The following C11orf21 variants were observed in gnomAD, a reference collection of about 807,000 sequenced individuals.
The protein encoded by C11orf21 is chromosome 11 open reading frame 21, also known as uncharacterized protein C11orf21.
A neutral mutation model predicts 15.2 loss-of-function variants in C11orf21; 19 were observed. That is an observed-to-expected ratio of 1.25 (90% confidence interval 0.87 to 1.84). The LOEUF (loss-of-function observed/expected upper bound fraction) is 1.84, where lower values mean the gene tolerates loss of function less well. Among genes scored for constraint, C11orf21 ranks in the 40% most tolerant of loss-of-function variants. The pLI is 0.00. For missense variants in C11orf21, 171 were observed against 174.4 expected, an observed-to-expected ratio of 0.98 and a Z score of 0.11; for synonymous variants, 62 against 66.8, an observed-to-expected ratio of 0.93 and a Z score of 0.35.
chr11:2,299,333 G>T, intron 3 of C11orf21, 95 bp downstream of exon 3: 1 of 1,324,734 alleles, frequency 7.5e-7, no homozygotes, highest in Non-Finnish European at 1.0e-6. Flanking sequence ...TGTGACGCAG[G>T]TGGGAAGCTC....
upstream of C11orf21, chr11:2,302,323 C>T (rs1005100423): frequency 3.4e-6 from 4 of 1,190,016 alleles, no homozygotes; most frequent in Non-Finnish European, 4.4e-6. Context: ...ACACACCAGC[C>T]CTACTGTCCC....
At position 2,301,868 on chromosome 11, in the gene C11orf21, C is replaced by T. The variant is rs983250445; in HGVS notation, c.-60G>A. On this transcript the variant is annotated 5_prime_UTR_variant, in exon 1 of 4. Transcript: ENST00000381153. ...ACACCAAGAACGAGGCCATGTCTTC[C>T]TGGGAAGGGCCTCAGATGTCAGCAA... The T allele has an allele frequency of 6.5e-7, 1 of 1,549,680 alleles. No individual in the cohort carries two copies.
chr11:2,300,323 G>A (rs1373817069), intron 2 of C11orf21, among the ~76,000 whole-genome samples, 197 bp downstream of exon 2: 4 of 143,504 alleles, frequency 2.8e-5, no homozygotes, highest in Non-Finnish European at 6.2e-5. Flanking sequence ...CGGTGTGCGG[G>A]GTGGGCAGGG....
intron 3 of C11orf21, among the ~76,000 whole-genome samples, chr11:2,298,514 T>C (rs1466755174): frequency 2.6e-5 from 4 of 152,124 alleles, no homozygotes. Flanking sequence ...GAGGGTCCGA[T>C]GTGCATTTTT....
Position 2,299,275 on chromosome 11 carries a change from T to G in C11orf21, c.*28+153A>C, listed in dbSNP as rs947868566. Reference sequence around the variant, plus strand: ...AGGACAGACATGAGCCAGATTCAGGTGCCCGCGTGGCCCCCACAGGTCTCT... The same window carrying G: ...AGGACAGACATGAGCCAGATTCAGGGGCCCGCGTGGCCCCCACAGGTCTCT... On this transcript the variant is annotated intron_variant, in intron 3 of 3. Coordinates refer to ENST00000381153, the MANE Select transcript of C11orf21 (RefSeq NM_001329958.2). 6.5e-6 allele frequency: 5 copies of G among 773,224 alleles called. No homozygotes were observed. In the African/African-American group the frequency reaches 8.8e-5, roughly 14 times the overall value. The allele number at this position is 773,224 out of a possible 1,614,324, so 47.9% of individuals were successfully genotyped here.
intron 1 of C11orf21, 178 bp from the exon 2 acceptor site, chr11:2,300,791 C>T: frequency 6.5e-7 from 1 of 1,549,574 alleles, no homozygotes; most frequent in South Asian, 1.2e-5. Flanking sequence ...CAGACATAGC[C>T]AAGAGCAGCT....
rs952309000 is a variant in C11orf21, at chr11:2,297,217, G to A, written c.*733C>T. The stretch of plus-strand genomic sequence containing the variant: ...GTGGGGACAGCCCAGCAGACCCCAA[G>A]CCACCCACTGAGGTTGCTTCTCAGG... On this transcript the variant is annotated 3_prime_UTR_variant, in exon 4 of 4. Transcript: ENST00000381153. The A allele has an allele frequency of 2.0e-5, 3 of 152,328 alleles. No individual in the cohort carries two copies. The highest frequency in any genetic ancestry group is 2.0e-4 in the Admixed American group (3 of 15,282). The allele number at this position is 152,328 out of a possible 1,614,324, so 9.4% of individuals were successfully genotyped here.
At chr11:2,299,292 C>T in intron 3 of C11orf21, 136 bp downstream of exon 3, 1 of 944,548 alleles carries the variant, frequency 1.1e-6, no homozygotes, top group Non-Finnish European at 1.5e-6. Flanking sequence ...GTGGCCCCCA[C>T]AGGTCTCTTC....
In C11orf21 at chr11:2,301,888, C is replaced by G; in HGVS notation, c.-80G>C. 1.3e-6 allele frequency: 2 copies of G among 1,547,000 alleles called. No individual in the cohort carries two copies. Among genetic ancestry groups the G allele is most frequent in the Non-Finnish European group, 1.7e-6 (2 of 1,146,102 alleles). On this transcript the variant is annotated 5_prime_UTR_variant, in exon 1 of 4. Coordinates refer to ENST00000381153, the MANE Select transcript of C11orf21 (RefSeq NM_001329958.2). ...TCTTCCTGGGAAGGGCCTCAGATGT[C>G]AGCAAATGCCCTGGTGTCTTGGGCT...
At chr11:2,302,201 T>A, upstream of C11orf21, 1 of 1,399,494 alleles carries the variant, frequency 7.1e-7, no homozygotes, top group Non-Finnish European at 9.3e-7. Flanking sequence ...GCTGGTCACC[T>A]GCTTCTTTAT....
intron 1 of C11orf21, 190 bp from the exon 2 acceptor site, chr11:2,300,803 A>C: frequency 3.6e-3 from 5,419 of 1,516,572 alleles, no homozygotes; most frequent in Non-Finnish European, 4.4e-3. Context: ...AGAGCAGCTC[A>C]TCTTCCCTGG....
Position 2,301,791 on chromosome 11 carries a change from A to G in C11orf21, c.18T>C (p.Cys6=). 3.2e-6 allele frequency: 5 copies of G among 1,550,262 alleles called. No individual in the cohort carries two copies. Among genetic ancestry groups the G allele is most frequent in the Non-Finnish European group, 3.5e-6 (4 of 1,146,816 alleles). ...CCGGGCGCCGTCTCCTCCACATCCC[A>G]CACCAGGTCCTGCCCATGACTTTCC... is the stretch of plus-strand genomic sequence containing the variant. The part of the protein sequence containing the change: MGRTW[C]GMWRRRRPGR... Residue 6 remains cysteine, a synonymous_variant, in exon 1 of 4, where the codon TGT becomes TGC. Coordinates refer to ENST00000381153, the MANE Select transcript of C11orf21 (RefSeq NM_001329958.2).
intron 3 of C11orf21, 108 bp downstream of exon 3, chr11:2,299,320 C>A: frequency 8.2e-7 from 1 of 1,215,296 alleles, no homozygotes; most frequent in Non-Finnish European, 1.1e-6. Flanking sequence ...AGGCCCCACT[C>A]GCTGTGACGC....
upstream of C11orf21, chr11:2,302,673 AG>A: frequency 1.6e-6 from 1 of 614,414 alleles, no homozygotes; most frequent in East Asian, 2.8e-5. Context: ...GGGCGTCTGC[AG>A]TGAAGGCCTC....
At chr11:2,302,947 T>G, upstream of C11orf21, 1 of 1,613,448 alleles carries the variant, frequency 6.2e-7, no homozygotes, top group Non-Finnish European at 8.5e-7. Flanking sequence ...TACCAGGCTG[T>G]GCACCAATGG....
chr11:2,300,639 A>C, intron 1 of C11orf21, 26 bp from the exon 2 acceptor site: 1 of 1,550,700 alleles, frequency 6.4e-7, no homozygotes, highest in Non-Finnish European at 8.7e-7. Context: ...GGCCATCAGG[A>C]CAGGTCAAGA....
chr11:2,300,182 T>G (rs1589785356), intron 2 of C11orf21, among the ~76,000 whole-genome samples: 2 of 23,090 alleles, frequency 8.7e-5, no homozygotes, highest in Non-Finnish European at 1.5e-4. Context: ...GGCAGGGGTG[T>G]GTGAGGTTGG....
At chr11:2,300,480 C>A (rs758704271) in intron 2 of C11orf21, 40 bp downstream of exon 2, 1 of 1,360,170 alleles carries the variant, frequency 7.4e-7, no homozygotes. Context: ...GGCTCCCTGC[C>A]CCCGCTGGTG....
chr11:2,302,962 A>G (rs1847850376), upstream of C11orf21: 1 of 1,612,170 alleles, frequency 6.2e-7, no homozygotes, highest in Admixed American at 1.7e-5. Context: ...CAATGGGGTA[A>G]GTGAGGTCCA....
Sources: gnomAD v4.1 joint callset for allele counts (sites outside exome capture counted in the v4.1 genomes callset) on GRCh38, gnomAD v4.1.1 for gene constraint, MANE v1.5 for transcripts, NCBI Gene and HGNC (gene_info 2026-07-23, HGNC 2026-07-21) for gene names.